GSDME: variants seen among roughly 807,000 people sequenced by gnomAD.
GSDME encodes the protein gasdermin-E.
A neutral mutation model predicts 47.5 loss-of-function variants in GSDME; 44 were observed. The ratio of observed to expected loss-of-function variants is 0.93; its 90% CI spans 0.73 to 1.19. The LOEUF (loss-of-function observed/expected upper bound fraction) is 1.19. Among genes scored for constraint, GSDME ranks in the 50% most tolerant of loss-of-function variants. GSDME has a pLI of 0.00. For synonymous variants in GSDME, 258 were observed against 252.8 expected, an observed-to-expected ratio of 1.02 and a Z score of -0.20; for missense variants, 663 against 604.2, an observed-to-expected ratio of 1.10 and a Z score of -1.02.
At chr7:24,765,046 T>C in the GSDME span, among the ~76,000 whole-genome samples, 1 of 152,176 alleles carries the variant, frequency 6.6e-6, no homozygotes, top group Admixed American at 6.5e-5. Flanking sequence ...AGCCTTTGAT[T>C]AGGGCCTCAC....
At chr7:24,795,365 CT>C in the GSDME span, among the ~76,000 whole-genome samples, 1 of 152,182 alleles carries the variant, frequency 6.6e-6, no homozygotes, top group South Asian at 2.1e-4. Flanking sequence ...GCAGGACTAG[CT>C]GCAGACAAAA....
At chr7:24,755,920 A>C (rs1791002128) in intron 1 of GSDME, among the ~76,000 whole-genome samples, 1 of 152,194 alleles carries the variant, frequency 6.6e-6, no homozygotes, top group South Asian at 2.1e-4. Context: ...CATTGTTAGC[A>C]ATTTCAGCAT....
chr7:24,715,646 A>G (rs546526803), intron 5 of GSDME: 1 of 313,170 alleles, frequency 3.2e-6, no homozygotes, highest in Admixed American at 4.7e-5. Flanking sequence ...GAACAATTTG[A>G]TCCTCTTCAT....
intron 3 of GSDME, among the ~76,000 whole-genome samples, chr7:24,741,234 T>C (rs1365286154): frequency 6.6e-6 from 1 of 152,064 alleles, no homozygotes; most frequent in South Asian, 2.1e-4. Flanking sequence ...ATACTTATGG[T>C]AGTGACAAAT....
intron 1 of GSDME, among the ~76,000 whole-genome samples, chr7:24,751,904 T>C (rs1035390702): frequency 1.3e-5 from 2 of 152,150 alleles, no homozygotes; most frequent in Non-Finnish European, 2.9e-5. Context: ...ATAAACAGCT[T>C]AGTTTTATGT....
At position 24,716,768 on chromosome 7, in the gene GSDME, T is replaced by G; in HGVS notation, c.697+486A>C. 1.2e-5 allele frequency: 2 copies of G among 169,618 alleles called. No homozygotes were observed. Among genetic ancestry groups the G allele is most frequent in the Non-Finnish European group, 2.5e-5 (2 of 80,348 alleles). 10.5% of individuals were successfully genotyped at this position (169,618 alleles called of 1,614,324 possible). A position where few individuals can be genotyped will look rare whatever the true frequency, so the allele number is the denominator to read the frequency against. On this transcript the variant is annotated intron_variant, in intron 5 of 9. Transcript: ENST00000645220. The surrounding 1 kb of genome is among the most constrained non-coding windows in gnomAD (Gnocchi z 4.5). ...CTATTAATAGCAAAGGTGGAGGAAT[T>G]AATAAATGACCACTGTGCCAGGCGC...
chr7:24,742,616 A>AT lies in GSDME; in HGVS notation c.404+1945dup. Among the ~76,000 whole-genome samples, 1 of 152,200 alleles carries AT rather than the reference A, an allele frequency of 6.6e-6. No homozygotes were observed. Among genetic ancestry groups the AT allele is most frequent in the Admixed American group, 6.5e-5 (1 of 15,286 alleles). ...CCTGAATCATGGTGTTTAAAAACCT[A>AT]TATCGAGAAATGTGATTATAGGACA... On this transcript the variant is annotated intron_variant, in intron 3 of 9. Transcript: ENST00000645220. This position sits in a 1 kb window ranked among gnomAD's most constrained non-coding sequence, Gnocchi z 4.4.
At chr7:24,753,823 A>T (rs1584112461) in intron 1 of GSDME, among the ~76,000 whole-genome samples, 1 of 152,352 alleles carries the variant, frequency 6.6e-6, no homozygotes, top group South Asian at 2.1e-4. Flanking sequence ...TATTTCCAGG[A>T]ATGTTTGATA....
At chr7:24,787,775 C>T in the GSDME span, among the ~76,000 whole-genome samples, 1 of 152,020 alleles carries the variant, frequency 6.6e-6, no homozygotes, top group Non-Finnish European at 1.5e-5. This position sits in a 1 kb window ranked among gnomAD's most constrained non-coding sequence, Gnocchi z 5.0. Context: ...GGCACAATCT[C>T]GGCTCACTGC....
At chr7:24,710,939 CAAAA>C (rs1218040548) in intron 5 of GSDME, among the ~76,000 whole-genome samples, 5 of 152,158 alleles carry the variant, frequency 3.3e-5, no homozygotes, top group Non-Finnish European at 7.3e-5. Context: ...ATGGCAAACA[CAAAA>C]GAATACATTC....
Position 24,708,172 on chromosome 7 carries a change from C to A in GSDME, c.945G>T (p.Gln315His). The change falls in exon 7 of 10, where the codon CAG (glutamine) becomes CAT (histidine). Residue 315 changes from glutamine to histidine, a missense_variant. Gln to His is a conservative substitution (Grantham distance 24). Transcript: ENST00000645220. ...PQQTALSDIF[Q>H]AVLFDDELLM... The stretch of plus-strand genomic sequence containing the variant: ...GTAGTTCATCATCAAATAGGACCGC[C>A]TGGAAGATGTCACTCAAAGCTGTCT... 6.2e-7 allele frequency: 1 copy of A among 1,614,146 alleles called. No individual in the cohort carries two copies. Among genetic ancestry groups the A allele is most frequent in the Non-Finnish European group, 8.5e-7 (1 of 1,180,024 alleles).
At chr7:24,757,837 A>G (rs1791094202), upstream of GSDME, 1 of 152,310 alleles carries the variant, frequency 6.6e-6, no homozygotes, top group Non-Finnish European at 1.5e-5. This position sits in a 1 kb window ranked among gnomAD's most constrained non-coding sequence, Gnocchi z 5.9. Context: ...CGCCACCCAC[A>G]GTGGAGTGTG....
chr7:24,719,242 G>C, intron 3 of GSDME, 24 bp from the exon 4 acceptor site: 1 of 1,604,092 alleles, frequency 6.2e-7, no homozygotes. Context: ...ACGGATGTGA[G>C]TGGCTTAGTG....
chr7:24,709,181 T>C (rs140099458), intron 6 of GSDME, among the ~76,000 whole-genome samples: 150 of 152,288 alleles, frequency 9.8e-4, no homozygotes, highest in African/African-American at 3.4e-3. Context: ...GCTGTCCTGG[T>C]CGGTCCAGTC....
chr7:24,707,201 G>A, intron 7 of GSDME: 1 of 409,276 alleles, frequency 2.4e-6, no homozygotes, highest in Non-Finnish European at 5.0e-6. Flanking sequence ...CACTTCCCTG[G>A]AAACCATAAA....
chr7:24,782,281 T>C, the GSDME span, among the ~76,000 whole-genome samples: 2 of 147,466 alleles, frequency 1.4e-5, no homozygotes, highest in Non-Finnish European at 3.0e-5. Context: ...GTGTTCTCAT[T>C]GTTCAATTCC....
At chr7:24,713,123 G>A (rs1317638127) in intron 5 of GSDME, among the ~76,000 whole-genome samples, 2 of 152,068 alleles carry the variant, frequency 1.3e-5, no homozygotes, top group Non-Finnish European at 2.9e-5. Context: ...AGTTAAATTT[G>A]AGTACTTTTT....
chr7:24,734,239 C>T (rs1790231967), intron 3 of GSDME, among the ~76,000 whole-genome samples: 1 of 152,232 alleles, frequency 6.6e-6, no homozygotes, highest in South Asian at 2.1e-4. Flanking sequence ...TCCTCTAATG[C>T]AGATACAGCT....
rs1355693908 is a variant in GSDME at position 24,712,754 on chromosome 7, C to T, written c.698-2366G>A. Among the ~76,000 whole-genome samples, 1 of 152,170 alleles carries T rather than the reference C, an allele frequency of 6.6e-6. No individual in the cohort carries two copies. Among genetic ancestry groups the T allele is most frequent in the Admixed American group, 6.5e-5 (1 of 15,278 alleles). On this transcript the variant is annotated intron_variant, in intron 5 of 9. Transcript: ENST00000645220. The surrounding 1 kb of genome is among the most constrained non-coding windows in gnomAD (Gnocchi z 4.4). ...ACAAGAGAGGCCAGGCACGGTGGCT[C>T]ACACCTATAATCCTAACACTTTGGG...
Sources: allele counts gnomAD v4.1 joint callset (sites outside exome capture counted in the v4.1 genomes callset), GRCh38; gene constraint gnomAD v4.1.1; non-coding constraint Gnocchi (gnomAD v3.1); transcripts MANE v1.5; gene names NCBI Gene and HGNC (gene_info 2026-07-23, HGNC 2026-07-21).